Variants in FXR1 observed in about 807,000 individuals in gnomAD.
The protein encoded by FXR1 is FMR1 autosomal homolog 1, also known as RNA-binding protein FXR1.
A neutral mutation model predicts 84.0 loss-of-function variants in FXR1; 15 were observed. The ratio of observed to expected loss-of-function variants is 0.18; its 90% CI spans 0.12 to 0.27. The LOEUF (loss-of-function observed/expected upper bound fraction) is 0.27, where lower values mean the gene tolerates loss of function less well. Among genes scored for constraint, FXR1 ranks in the 10% least tolerant of loss-of-function variants. FXR1 has a pLI of 1.00. For missense variants in FXR1, 480 were observed against 774.4 expected (o/e 0.62, Z 4.51); for synonymous variants, 245 against 250.7 (o/e 0.98, Z 0.21).
chr3:180,914,766 T>C lies in FXR1; in HGVS notation c.51+2030T>C, dbSNP rs1717678866. 3 of 950,474 alleles carry C rather than the reference T, an allele frequency of 3.2e-6. No individual in the cohort carries two copies. In the South Asian group the frequency reaches 1.5e-4, roughly 46 times the overall value. 58.9% of individuals were successfully genotyped at this position (950,474 alleles called of 1,614,324 possible). On this transcript the variant is annotated intron_variant, in intron 1 of 16. Transcript: ENST00000357559. ...TCTACTTAGACTTTGACTCCATTACTCATTTTGCCTCACAAAGTGAGTTGG... is the reference window on the plus strand; with the variant it reads ...TCTACTTAGACTTTGACTCCATTACCCATTTTGCCTCACAAAGTGAGTTGG...
Position 180,980,204 on chromosome 3 carries a change from T to C in FXR1, c.*3912T>C, listed in dbSNP as rs952051157. On this transcript the variant is annotated 3_prime_UTR_variant, in exon 17 of 17. Transcript: ENST00000357559. ...GTATTCTCATAAGGAGTATGCTGAA[T>C]TTAAGTGGTGTTTGTTTTACATATG... is the stretch of plus-strand genomic sequence containing the variant. 4 of 152,044 alleles carry C rather than the reference T, an allele frequency of 2.6e-5. No homozygotes were observed. The highest frequency in any genetic ancestry group is 4.8e-5 in the African/African-American group (2 of 41,430). 9.4% of individuals were successfully genotyped at this position (152,044 alleles called of 1,614,324 possible). A position where few individuals can be genotyped will look rare whatever the true frequency, so the allele number is the denominator to read the frequency against.
intron 3 of FXR1, among the ~76,000 whole-genome samples, chr3:180,936,307 G>A (rs1313720643): frequency 1.3e-5 from 2 of 151,826 alleles, no homozygotes; most frequent in Non-Finnish European, 2.9e-5. Context: ...TCACTCTGTC[G>A]CCTAAGCTGG....
At chr3:180,951,760 A>ATT (rs113291593) in intron 8 of FXR1, among the ~76,000 whole-genome samples, 2 of 152,190 alleles carry the variant, frequency 1.3e-5, no homozygotes, top group African/African-American at 4.8e-5. Context: ...CTATCGAAGT[A>ATT]TTTTTTTGAA....
chr3:180,934,110 A>G (rs1270013221), intron 2 of FXR1, among the ~76,000 whole-genome samples: 5 of 152,164 alleles, frequency 3.3e-5, no homozygotes, highest in Admixed American at 2.0e-4. Context: ...GCAAAACTCC[A>G]TCTCCAAGAG....
At chr3:180,975,516 A>G in intron 16 of FXR1, 112 bp downstream of exon 16, 2 of 490,334 alleles carry the variant, frequency 4.1e-6, no homozygotes, top group Non-Finnish European at 7.3e-6. Context: ...AATAGACAAT[A>G]CTATTTTAGT....
intron 13 of FXR1, among the ~76,000 whole-genome samples, chr3:180,964,709 C>G (rs1436268083): frequency 7.4e-6 from 1 of 135,638 alleles, no homozygotes; most frequent in Non-Finnish European, 1.5e-5. Context: ...ATAATGAGTA[C>G]TGTAGTTTTA....
In FXR1 at chr3:180,980,278, T is replaced by C. The variant is rs1402183587; in HGVS notation, c.*3986T>C. 3 of 152,070 alleles carry C rather than the reference T, an allele frequency of 2.0e-5. No homozygotes were observed. The highest frequency in any genetic ancestry group is 4.4e-5 in the Non-Finnish European group (3 of 67,956). The allele number at this position is 152,070 out of a possible 1,614,324, so 9.4% of individuals were successfully genotyped here. On this transcript the variant is annotated 3_prime_UTR_variant, in exon 17 of 17. Transcript: ENST00000357559. Reference sequence around the variant, plus strand: ...TATGCTGAATGCAATCTATAAGATATTCCAAACAAGGACAAAGTAATTTTT... The same window carrying C: ...TATGCTGAATGCAATCTATAAGATACTCCAAACAAGGACAAAGTAATTTTT...
intron 3 of FXR1, among the ~76,000 whole-genome samples, chr3:180,939,048 C>A (rs1318500579): frequency 6.6e-6 from 1 of 151,946 alleles, no homozygotes; most frequent in Non-Finnish European, 1.5e-5. Context: ...GTGTGAGCCA[C>A]AATGCCCAGC....
At position 180,938,533 on chromosome 3, in the gene FXR1, C is replaced by G. The variant is rs552416673; in HGVS notation, c.198+3302C>G. 7.2e-5 allele frequency among the ~76,000 whole-genome samples: 11 copies of G among 152,072 alleles called. No individual in the cohort carries two copies. In the South Asian group the frequency reaches 2.3e-3, roughly 32 times the overall value. On this transcript the variant is annotated intron_variant, in intron 3 of 16. Transcript: ENST00000357559. ...TGTAGGAAGTCCTTGCATTTTATGG[C>G]TGAGTTTTATTTTTTTATTTTATTT...
Position 180,976,229 on chromosome 3 carries a change from A to C in FXR1, c.1803A>C (p.Glu601Asp), listed in dbSNP as rs1714227338. ...AGCTACAGCGTACTCCAGGAGAAGAAAAGATTAATACCTTAAAAGAAGAAA... is the reference window on the plus strand; with the variant it reads ...AGCTACAGCGTACTCCAGGAGAAGACAAGATTAATACCTTAAAAGAAGAAA... ...ISKLQRTPGE[E>D]KINTLKEENT... The change falls in exon 17 of 17, where the codon GAA becomes GAC. Residue 601 changes from glutamate (E) to aspartate (D), a missense_variant. Coordinates refer to ENST00000357559, the MANE Select transcript of FXR1 (RefSeq NM_005087.4). 1 of 1,612,590 alleles carries C rather than the reference A, an allele frequency of 6.2e-7. No homozygotes were observed. The highest frequency in any genetic ancestry group is 1.1e-5 in the South Asian group (1 of 91,022).
chr3:180,968,324 C>T (rs1713102231), intron 14 of FXR1, 70 bp downstream of exon 14: 1 of 1,027,796 alleles, frequency 9.7e-7, no homozygotes, highest in Non-Finnish European at 1.5e-6. Flanking sequence ...GTTAATTCAT[C>T]TCCCAGGGCC....
At chr3:180,927,534 T>C (rs2108435529) in intron 1 of FXR1, 3 of 553,792 alleles carry the variant, frequency 5.4e-6, no homozygotes, top group South Asian at 2.3e-5. Context: ...GGATTTTTTT[T>C]CCACAACGGC....
chr3:180,941,581 C>T (rs558726412), intron 3 of FXR1, among the ~76,000 whole-genome samples: 28 of 152,132 alleles, frequency 1.8e-4, no homozygotes, highest in Non-Finnish European at 2.8e-4. Flanking sequence ...AAGTTTTTAG[C>T]TGTCTGTATT....
intron 9 of FXR1, among the ~76,000 whole-genome samples, chr3:180,954,872 A>ATTTTTTTTT (rs11328945): frequency 8.7e-6 from 1 of 114,580 alleles, no homozygotes; most frequent in Non-Finnish European, 1.8e-5. Flanking sequence ...TTCTAAAAAG[A>ATTTTTTTTT]TTTTTTTTTT....
At chr3:180,951,600 C>G in intron 8 of FXR1, 132 bp downstream of exon 8, 1 of 595,686 alleles carries the variant, frequency 1.7e-6, no homozygotes, top group African/African-American at 1.9e-5. Flanking sequence ...ATCAGTCAGC[C>G]TAGTAGTCTT....
In FXR1 at chr3:180,948,335, G is replaced by T; in HGVS notation, c.271-12G>T. The T allele has an allele frequency of 6.4e-7, 1 of 1,555,694 alleles. No individual in the cohort carries two copies. The highest frequency in any genetic ancestry group is 1.8e-5 in the Admixed American group (1 of 54,056). ...TCAGATGGGATTTTTAAAGTATTTT[G>T]ATGTCTTTTAGTTTTATGTCATTGA... On this transcript the variant is annotated splice_polypyrimidine_tract_variant and intron_variant, in intron 4 of 16. Coordinates refer to ENST00000357559, the MANE Select transcript of FXR1 (RefSeq NM_005087.4).
At chr3:180,918,472 A>G (rs1438805794) in intron 1 of FXR1, among the ~76,000 whole-genome samples, 1 of 152,106 alleles carries the variant, frequency 6.6e-6, no homozygotes, top group African/African-American at 2.4e-5. Flanking sequence ...CTTTTAGGAT[A>G]GTGAGCTTAC....
At position 180,935,316 on chromosome 3, in the gene FXR1, A is replaced by C. The variant is rs1720396432; in HGVS notation, c.198+85A>C. 5 of 664,580 alleles carry C rather than the reference A, an allele frequency of 7.5e-6. No individual in the cohort carries two copies. The Admixed American group carries it at 1.0e-4, about 13-fold the overall frequency. 41.2% of individuals were successfully genotyped at this position (664,580 alleles called of 1,614,324 possible). ...TTAGGAGAATTAGCTTAGTTGATGG[A>C]GGATAAATCTAATTCATTTTCTCTA... On this transcript the variant is annotated intron_variant, in intron 3 of 16. Coordinates refer to ENST00000357559, the MANE Select transcript of FXR1 (RefSeq NM_005087.4).
intron 1 of FXR1, chr3:180,915,500 A>T (rs1234319453): frequency 6.7e-7 from 1 of 1,500,412 alleles, no homozygotes; most frequent in Non-Finnish European, 9.0e-7. Context: ...GTTTTTTTCC[A>T]ATTTAGAAGA....
Sources: allele counts gnomAD v4.1 joint callset (sites outside exome capture counted in the v4.1 genomes callset), GRCh38; gene constraint gnomAD v4.1.1; transcripts MANE v1.5; gene names NCBI Gene and HGNC (gene_info 2026-07-23, HGNC 2026-07-21).